The following NELL1 variants were observed in gnomAD, a reference collection of about 807,000 sequenced individuals.
NELL1 encodes neural EGFL like 1, also known as protein kinase C-binding protein NELL1.
Under a neutral mutation model 107.4 loss-of-function variants are expected in NELL1, and 76 were observed. The observed-to-expected ratio is 0.71, with a 90% CI of 0.59 to 0.86. NELL1 has a LOEUF of 0.86. Among genes scored for constraint, NELL1 ranks in the 40% least tolerant of loss-of-function variants. The pLI is 0.00. For synonymous variants in NELL1, 353 were observed against 341.2 expected, an observed-to-expected ratio of 1.03 and a Z score of -0.38; for missense variants, 1,024 against 1,005.5, an observed-to-expected ratio of 1.02 and a Z score of -0.25.
chr11:21,168,467 C>T (rs1590699620), intron 13 of NELL1, among the ~76,000 whole-genome samples: 1 of 151,802 alleles, frequency 6.6e-6, no homozygotes, highest in Middle Eastern at 3.4e-3. Flanking sequence ...TCTGTGTCAC[C>T]TCTTCTCTTT....
intron 19 of NELL1, 97 bp from the exon 20 acceptor site, chr11:21,574,875 C>A: frequency 2.0e-6 from 2 of 986,566 alleles, no homozygotes; most frequent in South Asian, 1.5e-5. Flanking sequence ...TGAAGTTTGT[C>A]TCAAAATGCT....
intron 15 of NELL1, among the ~76,000 whole-genome samples, chr11:21,524,076 T>C (rs534857926): frequency 2.0e-5 from 3 of 152,292 alleles, no homozygotes; most frequent in South Asian, 4.1e-4. Flanking sequence ...TTTAATAGTT[T>C]CTTCAAAGTC....
intron 13 of NELL1, among the ~76,000 whole-genome samples, chr11:21,172,567 A>G (rs1047418487): frequency 5.3e-5 from 8 of 151,734 alleles, no homozygotes; most frequent in Admixed American, 2.6e-4. Context: ...TTTTGTTTAC[A>G]TATCTAGTCC....
At chr11:20,987,111 C>G (rs2134251669) in intron 12 of NELL1, among the ~76,000 whole-genome samples, 1 of 152,116 alleles carries the variant, frequency 6.6e-6, no homozygotes, top group Admixed American at 6.5e-5. Flanking sequence ...GAAGGAAACC[C>G]CATAAGGCTG....
rs111279251 is a variant in NELL1 at position 21,196,426 on chromosome 11, C to G, written c.1427-32906C>G. Among the ~76,000 whole-genome samples, 823 of 152,244 alleles carry G rather than the reference C, an allele frequency of 5.4e-3. 3 individuals carry two copies. Among genetic ancestry groups the G allele is most frequent in the Non-Finnish European group, 8.3e-3 (565 of 68,024 alleles). On this transcript the variant is annotated intron_variant, in intron 13 of 19. Transcript: ENST00000357134. ...CACTTCTGCTTCCCAGGCCTTCTTGCTCTTCTTTTTCCCACCTTAAGCCTT... is the reference window on the plus strand; with the variant it reads ...CACTTCTGCTTCCCAGGCCTTCTTGGTCTTCTTTTTCCCACCTTAAGCCTT...
chr11:21,457,172 C>CTTGAT (rs1351590910), intron 15 of NELL1, among the ~76,000 whole-genome samples: 1 of 152,120 alleles, frequency 6.6e-6, no homozygotes, highest in Non-Finnish European at 1.5e-5. Context: ...AGCAGGAAAT[C>CTTGAT]TTGATTAGAA....
chr11:21,535,431 G>T (rs1257226294), intron 16 of NELL1, among the ~76,000 whole-genome samples: 1 of 151,844 alleles, frequency 6.6e-6, no homozygotes, highest in Non-Finnish European at 1.5e-5. Context: ...AGGGTATATT[G>T]TTTTTTTTCT....
At chr11:21,262,746 C>A (rs1036300638) in intron 14 of NELL1, among the ~76,000 whole-genome samples, 2 of 151,766 alleles carry the variant, frequency 1.3e-5, no homozygotes, top group Non-Finnish European at 2.9e-5. Flanking sequence ...TTTTCTTCAT[C>A]CTGTTGGTCA....
At position 21,518,211 on chromosome 11, in the gene NELL1, G is replaced by A. The variant is rs147158252; in HGVS notation, c.1646-16163G>A. ...ATAAAACTTTGTGAATTTGACAAAA[G>A]CTTTTTTTTTCCAAAATAACTTTTT... is the stretch of plus-strand genomic sequence containing the variant. On this transcript the variant is annotated intron_variant, in intron 15 of 19. Transcript: ENST00000357134. 4.0e-5 allele frequency among the ~76,000 whole-genome samples: 6 copies of A among 151,280 alleles called. No individual in the cohort carries two copies. The East Asian group carries it at 9.8e-4, about 25-fold the overall frequency.
intron 15 of NELL1, among the ~76,000 whole-genome samples, chr11:21,421,192 G>C (rs1328423560): frequency 1.3e-5 from 2 of 152,080 alleles, no homozygotes; most frequent in East Asian, 3.9e-4. Context: ...CATGGTATAA[G>C]GTAGTGGAAT....
At chr11:21,524,783 C>T (rs1212496481) in intron 15 of NELL1, among the ~76,000 whole-genome samples, 1 of 152,108 alleles carries the variant, frequency 6.6e-6, no homozygotes, top group East Asian at 1.9e-4. Context: ...ATAGGATTTT[C>T]AGTCTTGGAG....
chr11:21,387,140 C>T (rs1030964089), intron 15 of NELL1, among the ~76,000 whole-genome samples: 1 of 151,770 alleles, frequency 6.6e-6, no homozygotes, highest in Non-Finnish European at 1.5e-5. Flanking sequence ...GTTTTTCCTC[C>T]ATATATATCC....
chr11:21,543,728 A>AT (rs1856355437), intron 16 of NELL1, among the ~76,000 whole-genome samples: 2 of 152,092 alleles, frequency 1.3e-5, no homozygotes, highest in Admixed American at 1.3e-4. Flanking sequence ...AATTGGATAC[A>AT]TTTTAGAGAC....
chr11:21,516,117 GC>G (rs1312507317), intron 15 of NELL1, among the ~76,000 whole-genome samples: 1 of 152,126 alleles, frequency 6.6e-6, no homozygotes, highest in Non-Finnish European at 1.5e-5. Context: ...AGAGTGTTTG[GC>G]ATTAGACAGA....
chr11:21,268,394 C>A (rs149110262), intron 14 of NELL1, among the ~76,000 whole-genome samples: 29 of 152,076 alleles, frequency 1.9e-4, no homozygotes, highest in Non-Finnish European at 3.8e-4. Flanking sequence ...CTTAACAAAA[C>A]CTGCCTTTAA....
chr11:21,102,381 C>G (rs1269396564), intron 12 of NELL1, among the ~76,000 whole-genome samples: 1 of 152,128 alleles, frequency 6.6e-6, no homozygotes, highest in Non-Finnish European at 1.5e-5. Context: ...TAATGTCACT[C>G]TAGTTGAGAC....
intron 12 of NELL1, among the ~76,000 whole-genome samples, chr11:21,008,161 C>T (rs1852370542): frequency 6.6e-6 from 1 of 152,166 alleles, no homozygotes; most frequent in African/African-American, 2.4e-5. Context: ...TAATTACAGA[C>T]TGATCACACA....
At chr11:20,703,661 A>C (rs182857673) in intron 2 of NELL1, among the ~76,000 whole-genome samples, 1 of 152,170 alleles carries the variant, frequency 6.6e-6, no homozygotes, top group South Asian at 2.1e-4. Context: ...ATTTCTCTCT[A>C]CACACTGCTT....
chr11:21,027,013 G>A (rs564874126), intron 12 of NELL1, among the ~76,000 whole-genome samples: 1 of 152,072 alleles, frequency 6.6e-6, no homozygotes, highest in South Asian at 2.1e-4. Flanking sequence ...CCAGCATCCT[G>A]GGAAAGATTA....
Sources: allele counts gnomAD v4.1 joint callset (sites outside exome capture counted in the v4.1 genomes callset), GRCh38; gene constraint gnomAD v4.1.1; transcripts MANE v1.5; gene names NCBI Gene and HGNC (gene_info 2026-07-23, HGNC 2026-07-21).